The following PTPRM variants were observed in gnomAD, a reference collection of about 807,000 sequenced individuals.
PTPRM encodes receptor-type tyrosine-protein phosphatase mu.
PTPRM carries 47 observed loss-of-function variants against 186.7 expected under a neutral mutation model. The observed-to-expected ratio is 0.25, with a 90% confidence interval of 0.20 to 0.32. The LOEUF is 0.32. PTPRM is among the 10% of genes least tolerant of loss of function. The pLI is 1.00. For synonymous variants in PTPRM, 668 were observed against 674.9 expected (o/e 0.99, Z 0.16); for missense variants, 1,494 against 1,865.0 (o/e 0.80, Z 3.66).
chr18:7,702,531 G>A (rs2039988619), intron 1 of PTPRM, among the ~76,000 whole-genome samples: 1 of 152,028 alleles, frequency 6.6e-6, no homozygotes, highest in Admixed American at 6.6e-5. Context: ...ACTTTTTGAT[G>A]GAGTTGTTAG....
At chr18:8,056,626 GAA>G (rs775371004) in intron 7 of PTPRM, among the ~76,000 whole-genome samples, 3 of 121,658 alleles carry the variant, frequency 2.5e-5, no homozygotes, top group African/African-American at 3.1e-5. Flanking sequence ...CATCTCAGAA[GAA>G]AAAAAAAAAA....
chr18:8,299,637 C>G (rs1352896226), intron 20 of PTPRM, among the ~76,000 whole-genome samples: 1 of 152,056 alleles, frequency 6.6e-6, no homozygotes, highest in Non-Finnish European at 1.5e-5. Context: ...TACTGCCCTC[C>G]TAGTAGTTAC....
chr18:8,296,494 C>T, intron 20 of PTPRM, 39 bp downstream of exon 20: 3 of 1,460,952 alleles, frequency 2.1e-6, no homozygotes, highest in South Asian at 2.3e-5. Flanking sequence ...TGTAGAACTT[C>T]CTTTTTGCAT....
At chr18:8,241,038 A>G (rs1160841338) in intron 14 of PTPRM, among the ~76,000 whole-genome samples, 2 of 152,140 alleles carry the variant, frequency 1.3e-5, no homozygotes, top group Non-Finnish European at 2.9e-5. Flanking sequence ...ATTTGAAAGC[A>G]ATTTGGTGGC....
At chr18:7,866,426 G>C (rs1260165168) in intron 2 of PTPRM, among the ~76,000 whole-genome samples, 1 of 152,138 alleles carries the variant, frequency 6.6e-6, no homozygotes, top group African/African-American at 2.4e-5. Context: ...ACTTATTTCT[G>C]CTTTAATTTT....
At chr18:8,159,505 C>T (rs1450934300) in intron 14 of PTPRM, among the ~76,000 whole-genome samples, 12 of 152,146 alleles carry the variant, frequency 7.9e-5, no homozygotes, top group Admixed American at 7.9e-4. Context: ...TCCATGTTAT[C>T]GTGTCTAAAG....
chr18:7,744,324 A>G (rs1227679414), intron 1 of PTPRM, among the ~76,000 whole-genome samples: 2 of 151,940 alleles, frequency 1.3e-5, no homozygotes, highest in Non-Finnish European at 2.9e-5. Flanking sequence ...GGTGGAATCT[A>G]GGAAACTGAA....
At chr18:8,062,668 C>T (rs1191854073) in intron 7 of PTPRM, among the ~76,000 whole-genome samples, 1 of 53,030 alleles carries the variant, frequency 1.9e-5, no homozygotes, top group African/African-American at 9.2e-5. Context: ...GTTAGTTTTC[C>T]TTCTAACAGA....
chr18:8,380,517 C>A (rs1013179984), intron 29 of PTPRM, 90 bp downstream of exon 29: 1 of 1,459,724 alleles, frequency 6.9e-7, no homozygotes, highest in Non-Finnish European at 9.4e-7. Flanking sequence ...GAAGTGCAGG[C>A]CCTAGTGCCA....
chr18:8,221,853 AT>A (rs945297366), intron 14 of PTPRM, among the ~76,000 whole-genome samples: 7 of 152,214 alleles, frequency 4.6e-5, no homozygotes, highest in Admixed American at 3.9e-4. Flanking sequence ...AATGATTGTG[AT>A]TGTGCCAATC....
chr18:7,933,206 G>A (rs762902341), intron 5 of PTPRM, among the ~76,000 whole-genome samples: 31 of 152,180 alleles, frequency 2.0e-4, no homozygotes, highest in Admixed American at 1.8e-3. Flanking sequence ...AGTGATGATG[G>A]CAATTTGGAT....
intron 1 of PTPRM, among the ~76,000 whole-genome samples, chr18:7,605,434 C>T (rs2037508629): frequency 6.7e-6 from 1 of 149,946 alleles, no homozygotes; most frequent in Non-Finnish European, 1.5e-5. Flanking sequence ...CCCCCACTTC[C>T]GTTCTAGTAC....
intron 1 of PTPRM, among the ~76,000 whole-genome samples, chr18:7,674,523 T>C (rs1488465657): frequency 1.3e-5 from 2 of 152,128 alleles, no homozygotes; most frequent in Admixed American, 1.3e-4. Flanking sequence ...TGCAGCACTC[T>C]TTCATGGAGA....
At chr18:8,042,175 AT>A (rs149967396) in intron 7 of PTPRM, among the ~76,000 whole-genome samples, 1 of 152,116 alleles carries the variant, frequency 6.6e-6, no homozygotes, top group Non-Finnish European at 1.5e-5. Flanking sequence ...ATACTGAGTG[AT>A]TTTTTTCATT....
At chr18:8,046,863 C>T (rs749929895) in intron 7 of PTPRM, among the ~76,000 whole-genome samples, 2 of 152,092 alleles carry the variant, frequency 1.3e-5, no homozygotes, top group Non-Finnish European at 2.9e-5. Flanking sequence ...ACCTCCAACT[C>T]AAAGCTAAGC....
At chr18:8,238,645 T>TTGTGTG (rs754185349) in intron 14 of PTPRM, among the ~76,000 whole-genome samples, 8 of 116,036 alleles carry the variant, frequency 6.9e-5, no homozygotes, top group African/African-American at 2.9e-4. Context: ...TCACACTGTT[T>TTGTGTG]TGTGTGTTTT....
At chr18:7,770,781 A>C in intron 1 of PTPRM, among the ~76,000 whole-genome samples, 1 of 152,110 alleles carries the variant, frequency 6.6e-6, no homozygotes, top group East Asian at 1.9e-4. Flanking sequence ...TTCTGATGTC[A>C]TTTACTTTAA....
intron 1 of PTPRM, among the ~76,000 whole-genome samples, chr18:7,770,214 CTG>C (rs944665140): frequency 2.0e-5 from 3 of 152,118 alleles, no homozygotes; most frequent in African/African-American, 7.2e-5. Context: ...CGTCCTTTTA[CTG>C]TGTTTCAGGG....
rs778229877 is a variant in PTPRM at position 7,687,818 on chromosome 18, A to AC, written c.74-86329dup. Among the ~76,000 whole-genome samples, 24 of 149,658 alleles carry AC rather than the reference A, an allele frequency of 1.6e-4. No homozygotes were observed. In the South Asian group the frequency reaches 4.6e-3, roughly 29 times the overall value. On this transcript the variant is annotated intron_variant, in intron 1 of 32. Coordinates refer to ENST00000580170, the MANE Select transcript of PTPRM (RefSeq NM_001105244.2). ...TTTTAAGACGGAGTCTCACTGTGTCACCAGACTGGAGTGCAGTGGTGCAAT... is the reference window on the plus strand; with the variant it reads ...TTTTAAGACGGAGTCTCACTGTGTCACCCAGACTGGAGTGCAGTGGTGCAAT...
Sources: gnomAD v4.1 joint callset for allele counts (sites outside exome capture counted in the v4.1 genomes callset) on GRCh38, gnomAD v4.1.1 for gene constraint, MANE v1.5 for transcripts, NCBI Gene and HGNC (gene_info 2026-07-23, HGNC 2026-07-21) for gene names.